The following HERC1 variants were observed in gnomAD, a reference collection of about 807,000 sequenced individuals.
HERC1 encodes the protein probable E3 ubiquitin-protein ligase HERC1.
A neutral mutation model predicts 554.3 loss-of-function variants in HERC1; 160 were observed. That is an observed-to-expected ratio of 0.29 (90% CI 0.25 to 0.33). HERC1 has a LOEUF of 0.33. Among genes scored for constraint, HERC1 ranks in the 10% least tolerant of loss-of-function variants. HERC1 has a pLI of 1.00. For missense variants in HERC1, 4,919 were observed against 5,918.5 expected, an observed-to-expected ratio of 0.83 and a Z score of 5.54; for synonymous variants, 2,175 against 2,131.7, an observed-to-expected ratio of 1.02 and a Z score of -0.56.
chr15:63,660,764 T>C lies in HERC1; in HGVS notation c.9223+209A>G, dbSNP rs188624310. Among the ~76,000 whole-genome samples, 18 of 152,350 alleles carry C rather than the reference T, an allele frequency of 1.2e-4. No homozygotes were observed. The East Asian group carries it at 1.9e-3, about 16-fold the overall frequency. On this transcript the variant is annotated intron_variant, in intron 46 of 77. Transcript: ENST00000443617. ...TAGAAATTAATATTCTGTGGTAAAG[T>C]TGGTCTTTGAAACCACGTTCTTTTC...
chr15:63,648,083 T>C lies in HERC1; in HGVS notation c.10864A>G (p.Ile3622Val). ...GATGCATTTACCTTATGTGCATCAA[T>C]TAGAACAATGCCTCCTTTCTCAAGT... Reference protein sequence around the residue: ...EPLEKGGIVLIDAHKDTLISM... With the variant: ...EPLEKGGIVLVDAHKDTLISM... Residue 3622 changes from isoleucine (I) to valine (V), a missense_variant, in exon 55 of 78, where the codon ATT (isoleucine) becomes GTT (valine). Transcript: ENST00000443617. 1 of 1,558,072 alleles carries C rather than the reference T, an allele frequency of 6.4e-7. No individual in the cohort carries two copies. Among genetic ancestry groups the C allele is most frequent in the Non-Finnish European group, 8.7e-7 (1 of 1,149,626 alleles).
intron 27 of HERC1, among the ~76,000 whole-genome samples, chr15:63,695,306 G>A (rs1418568205): frequency 6.6e-6 from 1 of 151,918 alleles, no homozygotes; most frequent in East Asian, 1.9e-4. Context: ...CAAAGTGCTG[G>A]GACTACAGAT....
chr15:63,824,316 A>G (rs151199681), intron 1 of HERC1, among the ~76,000 whole-genome samples: 7,445 of 151,948 alleles, frequency 0.049, 366 homozygotes, highest in African/African-American at 0.13. Context: ...GGCAGATCAC[A>G]AGGTCAGGAG....
At chr15:63,659,511 C>T (rs983971048) in intron 47 of HERC1, among the ~76,000 whole-genome samples, 12 of 152,134 alleles carry the variant, frequency 7.9e-5, no homozygotes, top group South Asian at 6.2e-4. Flanking sequence ...CTTCAGCCTT[C>T]CAAAGTGCTG....
chr15:63,632,933 C>T (rs912067323), intron 67 of HERC1, 122 bp from the exon 68 acceptor site: 73 of 657,908 alleles, frequency 1.1e-4, no homozygotes, highest in South Asian at 9.3e-4. Flanking sequence ...CTTACCTGTT[C>T]GACCCAAATC....
chr15:63,748,451 C>T (rs1453850392), intron 10 of HERC1, among the ~76,000 whole-genome samples: 1 of 152,004 alleles, frequency 6.6e-6, no homozygotes, highest in Non-Finnish European at 1.5e-5. Flanking sequence ...CTACTAAAGC[C>T]CCTCTGGTTC....
chr15:63,733,016 C>G lies in HERC1; in HGVS notation c.2776G>C (p.Asp926His), dbSNP rs769125985. 2 of 1,613,870 alleles carry G rather than the reference C, an allele frequency of 1.2e-6. No individual in the cohort carries two copies. The highest frequency in any genetic ancestry group is 1.7e-6 in the Non-Finnish European group (2 of 1,179,884). ...CAGCTCTGAGTGCCGTAAGGTTGAT[C>G]TGACAGATTTCCGTAGCCAGTACAC... ...SVCTGYGNLS[D>H]QPYGTQSCHP... The change falls in exon 14 of 78, where the codon GAT (aspartate) becomes CAT (histidine). Residue 926 changes from aspartate (D) to histidine (H), a missense_variant. Transcript: ENST00000443617.
chr15:63,831,937 A>T (rs2078169785), intron 1 of HERC1, among the ~76,000 whole-genome samples: 1 of 152,254 alleles, frequency 6.6e-6, no homozygotes, highest in Admixed American at 6.5e-5. Flanking sequence ...GATGTGTCAC[A>T]TGCAAACAGC....
chr15:63,761,312 G>A (rs1416887417), intron 3 of HERC1, among the ~76,000 whole-genome samples: 1 of 152,126 alleles, frequency 6.6e-6, no homozygotes, highest in Non-Finnish European at 1.5e-5. Context: ...GGGCGCCATG[G>A]CTCACGTCTG....
intron 66 of HERC1, among the ~76,000 whole-genome samples, 189 bp downstream of exon 66, chr15:63,634,540 TAAAC>T (rs1236185276): frequency 1.3e-5 from 2 of 152,220 alleles, no homozygotes; most frequent in African/African-American, 4.8e-5. Context: ...GTTTGTCACA[TAAAC>T]AAACTTAAAT....
rs1011359673 is a variant in HERC1, at chr15:63,751,497, TAG to T, written c.1902+1459_1902+1460del. Among the ~76,000 whole-genome samples, 8 of 152,298 alleles carry T rather than the reference TAG, an allele frequency of 5.3e-5. 1 individual carries two copies. Among genetic ancestry groups the T allele is most frequent in the African/African-American group, 1.9e-4 (8 of 41,572 alleles). ...ATACTGTCACTCAGTAAGGCCTACATAGAGTTTTCTCTTGCAGCGTTCCTTCG... is the reference window on the plus strand; with the variant it reads ...ATACTGTCACTCAGTAAGGCCTACATAGTTTTCTCTTGCAGCGTTCCTTCG... On this transcript the variant is annotated intron_variant, in intron 8 of 77. Coordinates refer to ENST00000443617, the MANE Select transcript of HERC1 (RefSeq NM_003922.4).
intron 74 of HERC1, among the ~76,000 whole-genome samples, chr15:63,620,415 T>C (rs369812892): frequency 0.012 from 1,867 of 152,000 alleles, 22 homozygotes; most frequent in East Asian, 0.023. Context: ...TACTTCCAAC[T>C]ATGTGGTCAA....
chr15:63,756,626 CT>C lies in HERC1; in HGVS notation c.1343del (p.Lys448SerfsTer2). 6.2e-7 allele frequency: 1 copy of C among 1,613,628 alleles called. No homozygotes were observed. Among genetic ancestry groups the C allele is most frequent in the Non-Finnish European group, 8.5e-7 (1 of 1,179,716 alleles). ...TGGATCTGTGAGGCTCGAATGTTAA[CT>C]TTTTTAAAGTTGACTGATTATTGGA... ...GDSNNQSTLKKLTFEPHRSIK... is the reference protein window; with the variant it reads ...GDSNNQSTLKXLTFEPHRSIK... On this transcript the variant is annotated frameshift_variant, in exon 5 of 78. Coordinates refer to ENST00000443617, the MANE Select transcript of HERC1 (RefSeq NM_003922.4). LOFTEE classifies it high-confidence loss of function. The surrounding 1 kb of genome is among the most constrained non-coding windows in gnomAD (Gnocchi z 5.0).
Position 63,695,979 on chromosome 15 carries a change from G to A in HERC1, c.5121+145C>T, listed in dbSNP as rs182102635. 3.7e-4 allele frequency: 233 copies of A among 623,728 alleles called. 1 individual carries two copies. In the African/African-American group the frequency reaches 4.1e-3, roughly 11 times the overall value. The allele number at this position is 623,728 out of a possible 1,614,324, so 38.6% of individuals were successfully genotyped here. On this transcript the variant is annotated intron_variant, in intron 27 of 77. Coordinates refer to ENST00000443617, the MANE Select transcript of HERC1 (RefSeq NM_003922.4). ...CACCTAATCTCTACTGCATTATTTAGGAAATGGAACCAAGGAGCTATCTTA... is the reference window on the plus strand; with the variant it reads ...CACCTAATCTCTACTGCATTATTTAAGAAATGGAACCAAGGAGCTATCTTA...
At chr15:63,628,153 G>A (rs1321557900) in intron 70 of HERC1, among the ~76,000 whole-genome samples, 1 of 152,186 alleles carries the variant, frequency 6.6e-6, no homozygotes, top group Non-Finnish European at 1.5e-5. Flanking sequence ...CACTTTGGGA[G>A]GCTGAGGCGG....
intron 32 of HERC1, 86 bp downstream of exon 32, chr15:63,690,455 C>T (rs903571991): frequency 1.2e-6 from 1 of 802,426 alleles, no homozygotes; most frequent in Non-Finnish European, 2.0e-6. Flanking sequence ...GACACATTTA[C>T]AACTGAAGAG....
chr15:63,632,701 T>C lies in HERC1; in HGVS notation c.12796+8A>G. On this transcript the variant is annotated splice_region_variant and intron_variant, in intron 68 of 77. Coordinates refer to ENST00000443617, the MANE Select transcript of HERC1 (RefSeq NM_003922.4). Reference sequence around the variant, plus strand: ...GTACCCAAGCAAATAAGCTGAAAAATGTCTTACCTTGACCAAAGGTATACA... The same window carrying C: ...GTACCCAAGCAAATAAGCTGAAAAACGTCTTACCTTGACCAAAGGTATACA... 1 of 1,527,588 alleles carries C rather than the reference T, an allele frequency of 6.5e-7. No individual in the cohort carries two copies. Among genetic ancestry groups the C allele is most frequent in the Non-Finnish European group, 8.9e-7 (1 of 1,124,490 alleles). 94.6% of individuals were successfully genotyped at this position (1,527,588 alleles called of 1,614,324 possible).
chr15:63,715,771 C>T (rs1221016573), intron 22 of HERC1, among the ~76,000 whole-genome samples: 1 of 152,148 alleles, frequency 6.6e-6, no homozygotes. Context: ...CTATCTGAGC[C>T]TTGGAATATA....
intron 1 of HERC1, among the ~76,000 whole-genome samples, chr15:63,822,342 T>C (rs1326987558): frequency 6.6e-6 from 1 of 152,140 alleles, no homozygotes; most frequent in African/African-American, 2.4e-5. Flanking sequence ...TCCCAGCACT[T>C]TGGGAAGCCG....
Sources: allele counts gnomAD v4.1 joint callset (sites outside exome capture counted in the v4.1 genomes callset), GRCh38; gene constraint gnomAD v4.1.1; non-coding constraint Gnocchi (gnomAD v3.1); transcripts MANE v1.5; gene names NCBI Gene and HGNC (gene_info 2026-07-23, HGNC 2026-07-21).